Variants in STPG2 observed in about 807,000 individuals in gnomAD.
STPG2 encodes sperm-tail PG-rich repeat-containing protein 2.
Under a neutral mutation model 54.2 loss-of-function variants are expected in STPG2, and 56 were observed. The ratio of observed to expected loss-of-function variants is 1.03; its 90% CI spans 0.83 to 1.29. The LOEUF (loss-of-function observed/expected upper bound fraction) is 1.29, where lower values mean the gene tolerates loss of function less well. Among genes scored for constraint, STPG2 ranks in the 50% most tolerant of loss-of-function variants. The probability of loss-of-function intolerance (pLI) is 0.00; values close to 1 mark genes in which losing one functional copy is unlikely to be tolerated. For synonymous variants in STPG2, 200 were observed against 181.8 expected, an observed-to-expected ratio of 1.10 and a Z score of -0.81; for missense variants, 596 against 544.9, an observed-to-expected ratio of 1.09 and a Z score of -0.93.
chr4:97,729,202 G>A (rs112010959), intron 9 of STPG2, among the ~76,000 whole-genome samples: 1 of 149,878 alleles, frequency 6.7e-6, no homozygotes, highest in African/African-American at 2.5e-5. Context: ...AAAAAAAAAA[G>A]CATCTATTAT....
intron 4 of STPG2, chr4:97,490,010 A>C (rs1301741890): frequency 6.6e-6 from 1 of 151,556 alleles, no homozygotes; most frequent in Non-Finnish European, 1.5e-5. Context: ...TCAAGACCTC[A>C]TAACAACACC....
At chr4:97,955,096 A>G (rs965581398) in intron 7 of STPG2, among the ~76,000 whole-genome samples, 2 of 152,200 alleles carry the variant, frequency 1.3e-5, no homozygotes, top group Non-Finnish European at 2.9e-5. Context: ...TTAAGAACTC[A>G]ATAGATTGAT....
chr4:98,054,870 T>C (rs1272665520), intron 5 of STPG2, among the ~76,000 whole-genome samples: 2 of 152,164 alleles, frequency 1.3e-5, no homozygotes, highest in South Asian at 2.1e-4. Context: ...CAAAATGTCT[T>C]ATAGTCAAAA....
At chr4:97,737,555 G>T (rs1349908243) in intron 9 of STPG2, among the ~76,000 whole-genome samples, 1 of 152,168 alleles carries the variant, frequency 6.6e-6, no homozygotes, top group East Asian at 1.9e-4. Context: ...CGAGAACTAC[G>T]TGAAGAATGC....
intron 5 of STPG2, among the ~76,000 whole-genome samples, chr4:98,035,188 C>CA (rs1353846143): frequency 1.8e-4 from 28 of 152,000 alleles, no homozygotes; most frequent in Admixed American, 1.8e-3. Flanking sequence ...AAAAATTCTG[C>CA]AATCTCTCCA....
chr4:97,617,456 G>A (rs1044442980), intron 10 of STPG2, among the ~76,000 whole-genome samples: 15 of 152,158 alleles, frequency 9.9e-5, no homozygotes, highest in African/African-American at 1.7e-4. Context: ...TATATTTGCC[G>A]GGAAGTACAC....
intron 5 of STPG2, among the ~76,000 whole-genome samples, chr4:97,982,377 T>TACACAC (rs59489663): frequency 0.065 from 9,315 of 143,550 alleles, 864 homozygotes; most frequent in African/African-American, 0.21. Context: ...TCTCTTACTC[T>TACACAC]ACACACACAC....
At chr4:97,582,251 C>T (rs964647494) in intron 10 of STPG2, among the ~76,000 whole-genome samples, 2 of 151,944 alleles carry the variant, frequency 1.3e-5, no homozygotes, top group African/African-American at 4.8e-5. Flanking sequence ...AATGTGCATA[C>T]ACCTAATCAG....
chr4:97,907,161 C>T (rs1217690399), intron 8 of STPG2, among the ~76,000 whole-genome samples: 2 of 152,014 alleles, frequency 1.3e-5, no homozygotes, highest in Non-Finnish European at 2.9e-5. Context: ...TAAGCAACTT[C>T]AGCAAAGTCT....
At chr4:98,136,041 G>A (rs1194240299) in intron 1 of STPG2, among the ~76,000 whole-genome samples, 1 of 151,548 alleles carries the variant, frequency 6.6e-6, no homozygotes, top group Admixed American at 6.6e-5. Context: ...AAATGAAAAG[G>A]TGGAATTAGC....
intron 8 of STPG2, among the ~76,000 whole-genome samples, chr4:97,843,882 TG>T (rs1728870389): frequency 1.3e-5 from 2 of 151,902 alleles, no homozygotes; most frequent in African/African-American, 4.8e-5. Flanking sequence ...CTGACTGACC[TG>T]TAACCCCAGA....
Position 97,576,722 on chromosome 4 carries a change from G to T in STPG2, c.1321-17605C>A, listed in dbSNP as rs569156312. On this transcript the variant is annotated intron_variant, in intron 10 of 10. Coordinates refer to ENST00000295268, the MANE Select transcript of STPG2 (RefSeq NM_174952.3). ...TATCATTAAGTCCTCCAAAGCAACT[G>T]CAACAAAAATGATAATTGGCAAGTG... Among the ~76,000 whole-genome samples, 9 of 152,148 alleles carry T rather than the reference G, an allele frequency of 5.9e-5. No individual in the cohort carries two copies. In the East Asian group the frequency reaches 1.7e-3, roughly 29 times the overall value.
chr4:97,652,403 C>T (rs1235517076), intron 10 of STPG2, among the ~76,000 whole-genome samples: 3 of 151,574 alleles, frequency 2.0e-5, no homozygotes, highest in Non-Finnish European at 4.4e-5. Flanking sequence ...TTGTCTCTGA[C>T]CATTGAGTGC....
intron 9 of STPG2, among the ~76,000 whole-genome samples, chr4:97,778,907 C>T (rs622723): frequency 0.16 from 24,402 of 151,976 alleles, 2,088 homozygotes; most frequent in East Asian, 0.35. Context: ...ACAGAAAGGA[C>T]ATCCACACCA....
chr4:97,598,565 A>T (rs1733365106), intron 10 of STPG2, among the ~76,000 whole-genome samples: 1 of 151,808 alleles, frequency 6.6e-6, no homozygotes, highest in African/African-American at 2.4e-5. Flanking sequence ...TAAAAAAAAA[A>T]AAAACAGACA....
intron 10 of STPG2, among the ~76,000 whole-genome samples, chr4:97,634,078 A>G (rs547507260): frequency 4.6e-5 from 7 of 152,326 alleles, no homozygotes; most frequent in African/African-American, 1.7e-4. Context: ...ACCTCTGCAG[A>G]CTTAAATGTC....
intron 5 of STPG2, among the ~76,000 whole-genome samples, chr4:98,101,003 G>C (rs929908563): frequency 6.6e-6 from 1 of 151,994 alleles, no homozygotes; most frequent in African/African-American, 2.4e-5. Flanking sequence ...ATGTGCAGGA[G>C]AGGTACTCCA....
intron 8 of STPG2, among the ~76,000 whole-genome samples, chr4:97,911,686 T>C (rs1390148541): frequency 6.6e-6 from 1 of 152,064 alleles, no homozygotes; most frequent in Admixed American, 6.5e-5. Flanking sequence ...AGAACTCTGA[T>C]CTCCCTGGGA....
At chr4:97,711,862 G>A (rs901586490) in intron 10 of STPG2, among the ~76,000 whole-genome samples, 1 of 151,566 alleles carries the variant, frequency 6.6e-6, no homozygotes, top group Non-Finnish European at 1.5e-5. Context: ...TAGAGACAGG[G>A]TTTCATCATG....
Sources: gnomAD v4.1 joint callset for allele counts (sites outside exome capture counted in the v4.1 genomes callset) on GRCh38, gnomAD v4.1.1 for gene constraint, MANE v1.5 for transcripts, NCBI Gene and HGNC (gene_info 2026-07-23, HGNC 2026-07-21) for gene names.